Variants in FUT8 observed in about 807,000 individuals in gnomAD.
FUT8 encodes alpha-(1,6)-fucosyltransferase.
A neutral mutation model predicts 71.3 loss-of-function variants in FUT8; 29 were observed. The ratio of observed to expected loss-of-function variants is 0.41; its 90% CI spans 0.30 to 0.55. The LOEUF is 0.55. Ranked by LOEUF, FUT8 falls within the 20% of genes least tolerant of loss-of-function variation. The pLI, the probability that FUT8 is intolerant of heterozygous loss-of-function variation, is 0.34. For synonymous variants in FUT8, 254 were observed against 239.3 expected (o/e 1.06, Z -0.57); for missense variants, 544 against 702.1 (o/e 0.77, Z 2.55).
At chr14:65,525,358 T>A (rs1883379310) in intron 2 of FUT8, among the ~76,000 whole-genome samples, 1 of 152,302 alleles carries the variant, frequency 6.6e-6, no homozygotes, top group Non-Finnish European at 1.5e-5. Flanking sequence ...CATAGAGGTG[T>A]TTATAGTATT....
intron 2 of FUT8, 114 bp from the exon 3 acceptor site, chr14:65,561,223 G>A (rs1594770497): frequency 4.5e-6 from 1 of 222,364 alleles, no homozygotes; most frequent in East Asian, 9.7e-5. Flanking sequence ...AGGCAGTTAG[G>A]TTATCTTCCA....
At chr14:65,553,175 A>C (rs1264697822) in intron 2 of FUT8, among the ~76,000 whole-genome samples, 2 of 152,268 alleles carry the variant, frequency 1.3e-5, no homozygotes, top group East Asian at 3.9e-4. Flanking sequence ...ATAAATTTTT[A>C]ATTTTAATTC....
In FUT8 at chr14:65,638,435, C is replaced by CT. The variant is rs376542092; in HGVS notation, c.597+8839dup. 8.1e-4 allele frequency among the ~76,000 whole-genome samples: 119 copies of CT among 146,160 alleles called. No homozygotes were observed. The highest frequency in any genetic ancestry group is 3.4e-3 in the Middle Eastern group (1 of 290). On this transcript the variant is annotated intron_variant, in intron 6 of 10. Transcript: ENST00000673929. This position sits in a 1 kb window ranked among gnomAD's most constrained non-coding sequence, Gnocchi z 4.5. ...TACTGGAAATTGGTAGATTATTTTT[C>CT]TTTTTTTTTTGAGAGAAAGAGAGGA...
intron 2 of FUT8, among the ~76,000 whole-genome samples, chr14:65,497,244 A>G (rs2066573256): frequency 6.6e-6 from 1 of 152,200 alleles, no homozygotes; most frequent in Admixed American, 6.5e-5. Context: ...AAAGATGGGA[A>G]TGGGCATTTT....
chr14:65,486,964 C>G (rs1464769681), intron 2 of FUT8, among the ~76,000 whole-genome samples: 3 of 152,072 alleles, frequency 2.0e-5, no homozygotes, highest in African/African-American at 7.2e-5. Context: ...ACCTTGGAAC[C>G]CATCAAGGAA....
chr14:65,581,744 G>A (rs1283244919), intron 3 of FUT8, among the ~76,000 whole-genome samples: 1 of 151,888 alleles, frequency 6.6e-6, no homozygotes, highest in Non-Finnish European at 1.5e-5. Context: ...TGATACGTGA[G>A]TTTGTATATT....
At chr14:65,616,122 C>G in intron 4 of FUT8, 29 bp downstream of exon 4, 2 of 1,605,086 alleles carry the variant, frequency 1.2e-6, no homozygotes, top group East Asian at 2.2e-5. Flanking sequence ...TTTTCCCCTC[C>G]TCAGTATATG....
At chr14:65,604,228 A>T (rs2140178928) in intron 3 of FUT8, among the ~76,000 whole-genome samples, 1 of 152,060 alleles carries the variant, frequency 6.6e-6, no homozygotes, top group East Asian at 1.9e-4. Context: ...CAATGGATTT[A>T]AACTCTACCC....
intron 6 of FUT8, among the ~76,000 whole-genome samples, chr14:65,653,023 T>C (rs1891484338): frequency 6.6e-6 from 1 of 152,134 alleles, no homozygotes; most frequent in Non-Finnish European, 1.5e-5. Context: ...GAGGCAGAGA[T>C]AGATGGAGAA....
chr14:65,565,070 A>G (rs1233901379), intron 3 of FUT8, among the ~76,000 whole-genome samples: 1 of 151,992 alleles, frequency 6.6e-6, no homozygotes, highest in Non-Finnish European at 1.5e-5. Flanking sequence ...GGCTGCTTCA[A>G]TTCATGGTGG....
intron 7 of FUT8, among the ~76,000 whole-genome samples, chr14:65,685,944 T>C (rs1893268259): frequency 1.3e-5 from 2 of 152,214 alleles, no homozygotes; most frequent in Admixed American, 6.5e-5. Flanking sequence ...AAGACCTGTA[T>C]CTTGTGCTGA....
the FUT8 span, among the ~76,000 whole-genome samples, chr14:65,371,658 G>GT: frequency 6.6e-6 from 1 of 152,138 alleles, no homozygotes; most frequent in South Asian, 2.1e-4. Flanking sequence ...TAGTCATTAG[G>GT]AGTCCTTCAA....
At chr14:65,703,734 G>A (rs1225769603) in intron 7 of FUT8, among the ~76,000 whole-genome samples, 3 of 152,346 alleles carry the variant, frequency 2.0e-5, no homozygotes, top group Non-Finnish European at 4.4e-5. Context: ...TAGGGTGACC[G>A]TTGAAGCTAC....
the FUT8 span, among the ~76,000 whole-genome samples, chr14:65,389,885 A>G: frequency 6.6e-6 from 1 of 151,598 alleles, no homozygotes; most frequent in South Asian, 2.1e-4. Context: ...TTTAAAGGCA[A>G]TATATAAGTA....
rs1011287263 is a variant in FUT8 at position 65,616,027 on chromosome 14, G to A, written c.253G>A (p.Val85Ile). ...GGGGCCAGCTATAGGAAGAGTACGC[G>A]TTTTAGAAGAGCAGCTTGTTAAGGC... ...DQGPAIGRVRVLEEQLVKAKE... is the reference protein window; with the variant it reads ...DQGPAIGRVRILEEQLVKAKE... The change falls in exon 4 of 11, where the codon GTT (valine) becomes ATT (isoleucine). Residue 85 changes from valine to isoleucine, a missense_variant. Val to Ile is a conservative substitution (Grantham distance 29, BLOSUM62 3). Coordinates refer to ENST00000673929, the MANE Select transcript of FUT8 (RefSeq NM_001371533.1). 1.9e-5 allele frequency: 30 copies of A among 1,613,884 alleles called. No individual in the cohort carries two copies. Among genetic ancestry groups the A allele is most frequent in the Middle Eastern group, 3.3e-4 (2 of 6,084 alleles).
At chr14:65,737,708 T>C (rs1896284667) in intron 10 of FUT8, among the ~76,000 whole-genome samples, 1 of 152,118 alleles carries the variant, frequency 6.6e-6, no homozygotes, top group African/African-American at 2.4e-5. Flanking sequence ...AAAGACATTG[T>C]TTAAAGAGCA....
intron 6 of FUT8, among the ~76,000 whole-genome samples, chr14:65,661,549 G>A (rs1367163789): frequency 6.6e-6 from 1 of 152,140 alleles, no homozygotes; most frequent in Non-Finnish European, 1.5e-5. Flanking sequence ...ACTCTGGGCA[G>A]GTGAGGGCAA....
rs1163167968 is a variant in FUT8 at position 65,425,516 on chromosome 14, G to T, written c.-326+12302G>T. ...ACATGAAATGTTCTTTTTCCCCCTG[G>T]TTTTATTGAGGTATAATTGGCAAAT... On this transcript the variant is annotated intron_variant, in intron 1 of 10. Transcript: ENST00000673929. Among the ~76,000 whole-genome samples the T allele has an allele frequency of 2.7e-5, 4 of 146,476 alleles. No individual in the cohort carries two copies. The East Asian group carries it at 6.1e-4, about 22-fold the overall frequency.
At chr14:65,522,791 C>T (rs1034261673) in intron 2 of FUT8, among the ~76,000 whole-genome samples, 6 of 136,496 alleles carry the variant, frequency 4.4e-5, no homozygotes, top group South Asian at 2.4e-4. Flanking sequence ...TCGCATTGTT[C>T]GGTTTCCACC....
Sources: gnomAD v4.1 joint callset for allele counts (sites outside exome capture counted in the v4.1 genomes callset) on GRCh38, gnomAD v4.1.1 for gene constraint, Gnocchi (gnomAD v3.1) non-coding constraint, MANE v1.5 for transcripts, NCBI Gene and HGNC (gene_info 2026-07-23, HGNC 2026-07-21) for gene names.